The following SOS2 variants were observed in gnomAD, a reference collection of about 807,000 sequenced individuals.
SOS2 encodes the protein SOS Ras/Rho guanine nucleotide exchange factor 2.
In SOS2, 65 loss-of-function variants were observed where a neutral mutation model predicts 148.2. That is an observed-to-expected ratio of 0.44 (90% CI 0.36 to 0.54). SOS2 has a LOEUF of 0.54. SOS2 is among the 20% of genes least tolerant of loss of function. SOS2 has a pLI of 0.00. For synonymous variants in SOS2, 539 were observed against 537.1 expected, an observed-to-expected ratio of 1.00 and a Z score of -0.05; for missense variants, 1,341 against 1,590.2, an observed-to-expected ratio of 0.84 and a Z score of 2.67.
At chr14:50,173,601 T>G (rs1293441785) in intron 8 of SOS2, among the ~76,000 whole-genome samples, 2 of 152,044 alleles carry the variant, frequency 1.3e-5, no homozygotes, top group African/African-American at 4.8e-5. Flanking sequence ...TTTTGTACAT[T>G]TAGTAGAGAC....
chr14:50,152,624 T>C (rs1566828591), intron 13 of SOS2, among the ~76,000 whole-genome samples: 1 of 152,158 alleles, frequency 6.6e-6, no homozygotes, highest in African/African-American at 2.4e-5. Context: ...TTGCTGTCTA[T>C]AAAAAACATT....
chr14:50,174,088 C>T (rs1339103105), intron 8 of SOS2, among the ~76,000 whole-genome samples: 1 of 152,110 alleles, frequency 6.6e-6, no homozygotes, highest in African/African-American at 2.4e-5. Context: ...CTACTTTTGC[C>T]ACCAATTAAT....
At chr14:50,157,768 A>G (rs1884865692) in intron 11 of SOS2, among the ~76,000 whole-genome samples, 1 of 152,154 alleles carries the variant, frequency 6.6e-6, no homozygotes. Flanking sequence ...CTTTGGTATA[A>G]TAATAAGTTT....
chr14:50,159,579 T>C lies in SOS2; in HGVS notation c.1704A>G (p.Pro568=), dbSNP rs759538223. Residue 568 remains proline (P), a synonymous_variant, in exon 10 of 23, where the codon CCA becomes CCG. Coordinates refer to ENST00000216373, the MANE Select transcript of SOS2 (RefSeq NM_006939.4). ...KEENEQPLRL[P]SPEVYRFVVK... ...CTACAAAACGATATACTTCAGGACT[T>C]GGTAATCTCAGTGGTTGCTCATTTT... is the stretch of plus-strand genomic sequence containing the variant. 6.2e-7 allele frequency: 1 copy of C among 1,614,068 alleles called. No individual in the cohort carries two copies. The highest frequency in any genetic ancestry group is 8.5e-7 in the Non-Finnish European group (1 of 1,179,948).
At chr14:50,219,316 T>G (rs1887131693) in intron 1 of SOS2, among the ~76,000 whole-genome samples, 1 of 151,998 alleles carries the variant, frequency 6.6e-6, no homozygotes, top group African/African-American at 2.4e-5. Context: ...CCACAGTATA[T>G]CTACACAATG....
intron 1 of SOS2, among the ~76,000 whole-genome samples, chr14:50,217,761 C>T (rs1406503948): frequency 6.6e-6 from 1 of 151,106 alleles, no homozygotes; most frequent in African/African-American, 2.4e-5. Context: ...TCAAGACCAT[C>T]CTGGCTAACA....
chr14:50,118,680 A>C lies in SOS2; in HGVS notation c.3663T>G (p.Leu1221=). The change falls in exon 23 of 23, where the codon CTT becomes CTG. Residue 1221 remains leucine (L), a synonymous_variant. Transcript: ENST00000216373. The part of the protein sequence containing the change: ...PLPDTPPPVP[L]RPPEHFINCP... ...AGTTTATAAAGTGTTCTGGAGGCCG[A>C]AGGGGAACTGGTGGAGGGGTATCAG... 1.2e-6 allele frequency: 2 copies of C among 1,613,494 alleles called. No individual in the cohort carries two copies. Among genetic ancestry groups the C allele is most frequent in the Non-Finnish European group, 8.5e-7 (1 of 1,179,872 alleles).
chr14:50,191,906 T>C (rs1362596703), intron 4 of SOS2, among the ~76,000 whole-genome samples: 1 of 151,940 alleles, frequency 6.6e-6, no homozygotes. Flanking sequence ...CACTAGAAGG[T>C]CACCAGTCTG....
intron 16 of SOS2, among the ~76,000 whole-genome samples, chr14:50,142,669 T>G (rs1336448298): frequency 6.6e-6 from 1 of 152,238 alleles, no homozygotes; most frequent in Non-Finnish European, 1.5e-5. Context: ...AGCTGAACAA[T>G]ATTCTACAAT....
intron 4 of SOS2, among the ~76,000 whole-genome samples, 178 bp downstream of exon 4, chr14:50,199,513 C>T (rs1229413015): frequency 5.3e-5 from 8 of 152,060 alleles, no homozygotes; most frequent in Non-Finnish European, 1.2e-4. Flanking sequence ...AGATCCCCAT[C>T]CTGCCATATG....
rs36219580 is a variant in SOS2, at chr14:50,161,789, CT to C, written c.1069-181del. Among the ~76,000 whole-genome samples the C allele has an allele frequency of 0.014, 1,875 of 135,228 alleles. 25 individuals are homozygous for C. The highest frequency in any genetic ancestry group is 0.047 in the African/African-American group (1,698 of 36,314). 88.7% of individuals were successfully genotyped at this position (135,228 alleles called of 152,430 possible). The stretch of plus-strand genomic sequence containing the variant: ...CCTCTCAAACCAACCCTTTTTCTTT[CT>C]TTTTTTTTTTTTTTTTTGAAACAGG... On this transcript the variant is annotated intron_variant, in intron 8 of 22. Coordinates refer to ENST00000216373, the MANE Select transcript of SOS2 (RefSeq NM_006939.4).
chr14:50,145,064 T>C (rs1884425426), intron 16 of SOS2, 106 bp downstream of exon 16: 1 of 519,858 alleles, frequency 1.9e-6, no homozygotes, highest in African/African-American at 2.0e-5. Flanking sequence ...GAAGCAAGGA[T>C]GAATTTACAA....
Position 50,130,586 on chromosome 14 carries a change from G to C in SOS2, c.3252C>G (p.Thr1084=). The change falls in exon 20 of 23, where the codon ACC becomes ACG. Residue 1084 remains threonine (T), a synonymous_variant. Coordinates refer to ENST00000216373, the MANE Select transcript of SOS2 (RefSeq NM_006939.4). ...TELESTVSAP[T]SPNTPSTPPV... is the part of the protein sequence containing the mutation. ...GTGGAGTAGATGGTGTATTTGGAGA[G>C]GTTGGTGCTGACACTGTTGATTCCA... is the stretch of plus-strand genomic sequence containing the variant. 6.2e-7 allele frequency: 1 copy of C among 1,614,020 alleles called. No individual in the cohort carries two copies. Among genetic ancestry groups the C allele is most frequent in the Non-Finnish European group, 8.5e-7 (1 of 1,179,894 alleles).
At chr14:50,167,103 G>A (rs17122240) in intron 8 of SOS2, among the ~76,000 whole-genome samples, 31,929 of 151,610 alleles carry the variant, frequency 0.21, 3,634 homozygotes, top group East Asian at 0.44. Flanking sequence ...ATTTCTTTAC[G>A]TGCTTTTTTA....
intron 1 of SOS2, among the ~76,000 whole-genome samples, chr14:50,224,882 T>TTAAAAAAA (rs1595039641): frequency 2.7e-4 from 1 of 3,644 alleles, no homozygotes; most frequent in South Asian, 2.9e-3. Flanking sequence ...CAAAACCCTG[T>TTAAAAAAA]CAAAAAAAAA....
chr14:50,133,462 T>C (rs1184323600), intron 19 of SOS2, among the ~76,000 whole-genome samples: 1 of 152,004 alleles, frequency 6.6e-6, no homozygotes, highest in Non-Finnish European at 1.5e-5. Flanking sequence ...GGTCTCCCAA[T>C]GTGCTGGGAT....
rs1197014565 is a variant in SOS2 at position 50,127,437 on chromosome 14, C to T, written c.3379+2524G>A. On this transcript the variant is annotated intron_variant, in intron 21 of 22. Coordinates refer to ENST00000216373, the MANE Select transcript of SOS2 (RefSeq NM_006939.4). ...GATTACAGTCGTGAGCCACCGCGCC[C>T]GGCCCAGATCATGTTTTTATAACAA... is the stretch of plus-strand genomic sequence containing the variant. 6.6e-5 allele frequency among the ~76,000 whole-genome samples: 10 copies of T among 152,192 alleles called. No homozygotes were observed. The East Asian group carries it at 1.4e-3, about 21-fold the overall frequency.
chr14:50,225,711 T>A (rs1887351123), intron 1 of SOS2, among the ~76,000 whole-genome samples: 1 of 152,190 alleles, frequency 6.6e-6, no homozygotes, highest in Non-Finnish European at 1.5e-5. Context: ...CAGGCTCATG[T>A]CACAAAAATC....
chr14:50,185,666 T>G (rs1438544619), intron 5 of SOS2, among the ~76,000 whole-genome samples: 2 of 143,768 alleles, frequency 1.4e-5, no homozygotes, highest in Non-Finnish European at 3.0e-5. Flanking sequence ...CACTCCAGCC[T>G]GGATGACAGA....
Sources: gnomAD v4.1 joint callset for allele counts (sites outside exome capture counted in the v4.1 genomes callset) on GRCh38, gnomAD v4.1.1 for gene constraint, MANE v1.5 for transcripts, NCBI Gene and HGNC (gene_info 2026-07-23, HGNC 2026-07-21) for gene names.